ZP2: variants seen among roughly 807,000 people sequenced by gnomAD.
ZP2 encodes zona pellucida glycoprotein 2.
In ZP2, 51 loss-of-function variants were observed where a neutral mutation model predicts 84.0. The ratio of observed to expected loss-of-function variants is 0.61; its 90% CI spans 0.49 to 0.77. ZP2 has a LOEUF of 0.77. ZP2 is among the 30% of genes least tolerant of loss of function. The pLI is 0.00. For synonymous variants in ZP2, 375 were observed against 330.9 expected (o/e 1.13, Z -1.45); for missense variants, 909 against 911.9 (o/e 1.00, Z 0.04).
chr16:21,205,570 C>G lies in ZP2; in HGVS notation c.543G>C (p.Gln181His), dbSNP rs369507532. The G allele has an allele frequency of 1.2e-6, 2 of 1,614,112 alleles. No homozygotes were observed. The highest frequency in any genetic ancestry group is 2.2e-5 in the East Asian group (1 of 44,876). Residue 181 changes from glutamine (Q) to histidine (H), a missense_variant, in exon 7 of 19, where the codon CAG becomes CAC. Gln to His is a conservative substitution (Grantham distance 24). Coordinates refer to ENST00000574091, the MANE Select transcript of ZP2 (RefSeq NM_001376232.1). Reference sequence around the variant, plus strand: ...CACCAACCTCAATGCTCCATCCCATCTGAACTTTGGTCCCCTGAAGTCAAA... The same window carrying G: ...CACCAACCTCAATGCTCCATCCCATGTGAACTTTGGTCCCCTGAAGTCAAA... ...LADDSKGTKV[Q>H]MGWSIEVGDG...
intron 14 of ZP2, 104 bp downstream of exon 14, chr16:21,201,265 C>T (rs953638936): frequency 2.5e-5 from 25 of 1,012,314 alleles, no homozygotes; most frequent in Non-Finnish European, 3.4e-5. Flanking sequence ...AAATCTGGAT[C>T]TCACATGACT....
At chr16:21,213,823 A>G (rs919876612), upstream of ZP2, among the ~76,000 whole-genome samples, 1 of 152,144 alleles carries the variant, frequency 6.6e-6, no homozygotes, top group East Asian at 1.9e-4. Context: ...TTCTCCTTCT[A>G]TGCATATTTT....
Position 21,211,525 on chromosome 16 carries a change from C to G in ZP2, c.23G>C (p.Gly8Ala), listed in dbSNP as rs746339116. Residue 8 changes from glycine (G) to alanine (A), a missense_variant, in exon 1 of 19, where the codon GGC (glycine) becomes GCC (alanine). By Grantham distance (60) the Gly-to-Ala change is moderately conservative (BLOSUM62 0). Transcript: ENST00000574091. MACRQRG[G>A]SWSPSGWFNA... is the part of the protein sequence containing the mutation. ...GAACCAGCCTGAGGGACTCCAAGAGCCTCCTCTCTGCCTGCACGCCATAGC... is the reference window on the plus strand; with the variant it reads ...GAACCAGCCTGAGGGACTCCAAGAGGCTCCTCTCTGCCTGCACGCCATAGC... 7 of 1,614,204 alleles carry G rather than the reference C, an allele frequency of 4.3e-6. No homozygotes were observed. The highest frequency in any genetic ancestry group is 5.9e-6 in the Non-Finnish European group (7 of 1,180,038).
intron 14 of ZP2, among the ~76,000 whole-genome samples, chr16:21,200,568 G>A (rs984210481): frequency 1.3e-5 from 2 of 152,334 alleles, no homozygotes; most frequent in African/African-American, 4.8e-5. Flanking sequence ...CACGGCAGGA[G>A]AGCTGTAAGG....
intron 18 of ZP2, 37 bp from the exon 19 acceptor site, chr16:21,197,659 T>C: frequency 6.2e-7 from 1 of 1,613,692 alleles, no homozygotes; most frequent in Non-Finnish European, 8.5e-7. Flanking sequence ...TTAAGTATTT[T>C]TAAATAAGGG....
chr16:21,198,090 G>A (rs1445229110), intron 17 of ZP2: 3 of 392,978 alleles, frequency 7.6e-6, no homozygotes, highest in South Asian at 3.9e-5. Flanking sequence ...AAATTCAAGA[G>A]GATTTTTTTT....
chr16:21,198,187 G>T (rs2093208439), intron 17 of ZP2, among the ~76,000 whole-genome samples: 1 of 151,214 alleles, frequency 6.6e-6, no homozygotes, highest in African/African-American at 2.4e-5. Flanking sequence ...TTGAGGTCAG[G>T]AGTTTGAGAC....
chr16:21,202,063 C>A, intron 11 of ZP2, 40 bp from the exon 12 acceptor site: 1 of 1,613,630 alleles, frequency 6.2e-7, no homozygotes, highest in South Asian at 1.1e-5. Context: ...CCAGTTATGT[C>A]AAAGATGAGA....
chr16:21,199,598 G>C lies in ZP2; in HGVS notation c.1899C>G (p.Thr633=), dbSNP rs772042061. 3.1e-6 allele frequency: 5 copies of C among 1,613,198 alleles called. No individual in the cohort carries two copies. The highest frequency in any genetic ancestry group is 4.2e-6 in the Non-Finnish European group (5 of 1,179,652). The part of the protein sequence containing the change: ...LSPDSPLCSV[T]CPVSSRHRRA... ...GCCTGTGCCTAGAGGACACAGGGCAGGTCACAGAACACAGTGGGGAGTCAG... is the reference window on the plus strand; with the variant it reads ...GCCTGTGCCTAGAGGACACAGGGCACGTCACAGAACACAGTGGGGAGTCAG... The change falls in exon 16 of 19, where the codon ACC becomes ACG. Residue 633 remains threonine (T), a synonymous_variant. Coordinates refer to ENST00000574091, the MANE Select transcript of ZP2 (RefSeq NM_001376232.1).
chr16:21,201,301 G>A (rs933933058), intron 14 of ZP2, 68 bp downstream of exon 14: 3 of 1,420,180 alleles, frequency 2.1e-6, no homozygotes, highest in Non-Finnish European at 2.8e-6. Flanking sequence ...GCCCAAGAGG[G>A]TTTATTCCCA....
Position 21,201,739 on chromosome 16 carries a change from C to G in ZP2, c.1471G>C (p.Gly491Arg). 6.2e-7 allele frequency: 1 copy of G among 1,613,988 alleles called. No homozygotes were observed. The highest frequency in any genetic ancestry group is 2.2e-5 in the East Asian group (1 of 44,876). Residue 491 changes from glycine to arginine, a missense_variant, in exon 13 of 19, where the codon GGT becomes CGT. By Grantham distance (125) the Gly-to-Arg change is moderately radical. Coordinates refer to ENST00000574091, the MANE Select transcript of ZP2 (RefSeq NM_001376232.1). ...CTTTGCAGGATCAAGGTAAATGGACCCAACTTCACTGAGGCCACTGGAGGA... is the reference window on the plus strand; with the variant it reads ...CTTTGCAGGATCAAGGTAAATGGACGCAACTTCACTGAGGCCACTGGAGGA... ...LTPPVASVKL[G>R]PFTLILQSYP...
chr16:21,203,872 A>T, intron 9 of ZP2, 158 bp downstream of exon 9: 2 of 705,802 alleles, frequency 2.8e-6, no homozygotes, highest in Non-Finnish European at 4.8e-6. Flanking sequence ...TTGATATTTC[A>T]CTTATACAAG....
At position 21,198,862 on chromosome 16, in the gene ZP2, G is replaced by C. The variant is rs747762346; in HGVS notation, c.1928C>G (p.Ala643Gly). 1.5e-5 allele frequency: 24 copies of C among 1,613,490 alleles called. No homozygotes were observed. The highest frequency in any genetic ancestry group is 3.4e-6 in the Non-Finnish European group (4 of 1,179,764). ...TTTCTCTGCTTCAGTGGCCCCTGTG[G>C]CTGGAGACAGATGATCAAGTTTGTG... ...TCPVSSRHRR[A>G]TGATEAEKMT... The change falls in exon 17 of 19, where the codon GCC (alanine) becomes GGC (glycine). Residue 643 changes from alanine to glycine, a missense_variant and splice_region_variant. By Grantham distance (60) the Ala-to-Gly change is moderately conservative. Transcript: ENST00000574091.
upstream of ZP2, among the ~76,000 whole-genome samples, chr16:21,212,183 T>A (rs577389126): frequency 1.3e-5 from 2 of 152,156 alleles, no homozygotes; most frequent in Non-Finnish European, 2.9e-5. Context: ...TGCCTCGGCC[T>A]CCCAAAGTGC....
rs775623874 is a variant in ZP2, at chr16:21,204,412, G to T, written c.694-8C>A. The T allele has an allele frequency of 1.2e-6, 2 of 1,609,242 alleles. No individual in the cohort carries two copies. The highest frequency in any genetic ancestry group is 3.3e-5 in the Admixed American group (2 of 59,748). On this transcript the variant is annotated splice_region_variant and splice_polypyrimidine_tract_variant and intron_variant, in intron 7 of 18. Transcript: ENST00000574091. ...GAGATGACTGTTACCTTGCTAGGGG[G>T]AGAAATAACAGTGATCTTCAAAAAC...
In ZP2 at chr16:21,199,865, G is replaced by A; in HGVS notation, c.1708C>T (p.Leu570=). 2 of 1,612,586 alleles carry A rather than the reference G, an allele frequency of 1.2e-6. No homozygotes were observed. Among genetic ancestry groups the A allele is most frequent in the East Asian group, 2.2e-5 (1 of 44,874 alleles). ...NVVVDGCAYD[L]DNYQTTFHPV... is the part of the protein sequence containing the mutation. The stretch of plus-strand genomic sequence containing the variant: ...TGGAAGGTGGTCTGGTAGTTGTCCA[G>A]GTCATATGCACAGCTAGGAGGTATG... The change falls in exon 15 of 19, where the codon CTG becomes TTG. Residue 570 remains leucine (L), a synonymous_variant. Transcript: ENST00000574091.
Position 21,197,457 on chromosome 16 carries a change from G to A in ZP2, c.*23C>T, listed in dbSNP as rs780811322. The A allele has an allele frequency of 6.2e-7, 1 of 1,613,140 alleles. No individual in the cohort carries two copies. Among genetic ancestry groups the A allele is most frequent in the Admixed American group, 1.7e-5 (1 of 59,896 alleles). Reference sequence around the variant, plus strand: ...ATGTGGAAGGCAAGAGGCTTATTTTGACTGCTTTATTTAGAAGCCCATTTA... The same window carrying A: ...ATGTGGAAGGCAAGAGGCTTATTTTAACTGCTTTATTTAGAAGCCCATTTA... On this transcript the variant is annotated 3_prime_UTR_variant, in exon 19 of 19. Transcript: ENST00000574091.
At chr16:21,198,092 AT>A (rs34614859) in intron 17 of ZP2, 31,059 of 253,384 alleles carry the variant, frequency 0.12, 315 homozygotes, top group South Asian at 0.17. Context: ...ATTCAAGAGG[AT>A]TTTTTTTTTT....
At chr16:21,202,485 G>A (rs1243832633) in intron 10 of ZP2, among the ~76,000 whole-genome samples, 194 bp from the exon 11 acceptor site, 1 of 152,178 alleles carries the variant, frequency 6.6e-6, no homozygotes, top group Non-Finnish European at 1.5e-5. Context: ...ATTGTTCTAT[G>A]TGAGAGTAGG....
Sources: gnomAD v4.1 joint callset for allele counts (sites outside exome capture counted in the v4.1 genomes callset) on GRCh38, gnomAD v4.1.1 for gene constraint, MANE v1.5 for transcripts, NCBI Gene and HGNC (gene_info 2026-07-23, HGNC 2026-07-21) for gene names.